The following COXFA4L2 variants were observed in gnomAD, a reference collection of about 807,000 sequenced individuals.
COXFA4L2 encodes the protein cytochrome c oxidase hypoxia associated subunit FA4L2.
chr12:57,238,191 T>C, the COXFA4L2 span, among the ~76,000 whole-genome samples: 1 of 152,060 alleles, frequency 6.6e-6, no homozygotes, highest in Admixed American at 6.5e-5. The surrounding 1 kb of genome is among the most constrained non-coding windows in gnomAD (Gnocchi z 6.8). Flanking sequence ...TATGCACCCG[T>C]CTCTGGGATC....
chr12:57,236,624 G>C, the COXFA4L2 span: 1 of 1,585,052 alleles, frequency 6.3e-7, no homozygotes, highest in South Asian at 1.2e-5. Context: ...GCGAGTCGCA[G>C]CAAGTAAAGC....
chr12:57,237,434 T>C, the COXFA4L2 span: 1 of 1,033,722 alleles, frequency 9.7e-7, no homozygotes, highest in Non-Finnish European at 1.3e-6. Context: ...GGCATGGCCA[T>C]GGGACAGGCA....
chr12:57,236,374 TC>T, the COXFA4L2 span: 1 of 495,124 alleles, frequency 2.0e-6, no homozygotes, highest in Non-Finnish European at 3.5e-6. Context: ...AGGCGCGGGT[TC>T]CGCATTTCAG....
At chr12:57,236,048 A>G in the COXFA4L2 span, 4 of 409,342 alleles carry the variant, frequency 9.8e-6, no homozygotes, top group Admixed American at 8.1e-5. Flanking sequence ...CAAACTGACA[A>G]CGGGGCCCAG....
the COXFA4L2 span, chr12:57,236,822 T>C: frequency 1.1e-6 from 1 of 935,252 alleles, no homozygotes; most frequent in South Asian, 1.6e-5. Context: ...CCATATTTCC[T>C]GGCATGGTCT....
chr12:57,235,718 G>A, the COXFA4L2 span: 15 of 1,610,618 alleles, frequency 9.3e-6, no homozygotes, highest in East Asian at 2.2e-5. Context: ...ATAAGAGGAT[G>A]GGGGGCAACC....
At chr12:57,235,354 C>G in the COXFA4L2 span, 19 of 607,764 alleles carry the variant, frequency 3.1e-5, no homozygotes, top group Non-Finnish European at 5.6e-5. Context: ...ACGTGGGACT[C>G]AAGCCAAGGG....
At chr12:57,235,621 T>C in the COXFA4L2 span, 8 of 1,613,902 alleles carry the variant, frequency 5.0e-6, no homozygotes, top group Admixed American at 5.0e-5. Flanking sequence ...TGCAAGGAAC[T>C]AAGAGGAGAG....
Sources: gnomAD v4.1 joint callset for allele counts (sites outside exome capture counted in the v4.1 genomes callset) on GRCh38, gnomAD v4.1.1 for gene constraint, Gnocchi (gnomAD v3.1) non-coding constraint, MANE v1.5 for transcripts, NCBI Gene and HGNC (gene_info 2026-07-23, HGNC 2026-07-21) for gene names.